The following PACS2 variants were observed in gnomAD, a reference collection of about 807,000 sequenced individuals.
PACS2 encodes the protein PACS1-like protein.
PACS2 carries 36 observed loss-of-function variants against 113.0 expected under a neutral mutation model. The observed-to-expected ratio is 0.32, with a 90% CI of 0.24 to 0.42. The LOEUF is 0.42. Among genes scored for constraint, PACS2 ranks in the 10% least tolerant of loss-of-function variants. The pLI is 1.00. For missense variants in PACS2, 1,015 were observed against 1,239.5 expected, an observed-to-expected ratio of 0.82 and a Z score of 2.72; for synonymous variants, 589 against 536.1, an observed-to-expected ratio of 1.10 and a Z score of -1.36.
At chr14:105,322,328 A>G (rs2058926622) in intron 1 of PACS2, among the ~76,000 whole-genome samples, 2 of 151,338 alleles carry the variant, frequency 1.3e-5, no homozygotes, top group South Asian at 4.2e-4. Context: ...GCAGTGGCGC[A>G]ATCTTGGCTC....
chr14:105,338,925 T>C (rs1555401081), intron 1 of PACS2, among the ~76,000 whole-genome samples: 1 of 152,088 alleles, frequency 6.6e-6, no homozygotes, highest in African/African-American at 2.4e-5. Flanking sequence ...ACCCAGCTGC[T>C]CTCCTCTCTG....
chr14:105,343,306 A>T (rs919374193), intron 1 of PACS2, among the ~76,000 whole-genome samples: 4 of 152,222 alleles, frequency 2.6e-5, no homozygotes, highest in Admixed American at 6.5e-5. Flanking sequence ...GGTGGCAGTT[A>T]TGAATAGAGC....
chr14:105,329,280 G>A lies in PACS2; in HGVS notation c.119+14243G>A, dbSNP rs889651998. Among the ~76,000 whole-genome samples, 1 of 152,192 alleles carries A rather than the reference G, an allele frequency of 6.6e-6. No individual in the cohort carries two copies. The highest frequency in any genetic ancestry group is 1.5e-5 in the Non-Finnish European group (1 of 68,034). Reference sequence around the variant, plus strand: ...GGGCCTGGCTGCAGCTGCCCTGTGTGATCTCTGTCCCCGTCTTCTCCCGGC... The same window carrying A: ...GGGCCTGGCTGCAGCTGCCCTGTGTAATCTCTGTCCCCGTCTTCTCCCGGC... On this transcript the variant is annotated intron_variant, in intron 1 of 24. Coordinates refer to ENST00000447393, the MANE Select transcript of PACS2 (RefSeq NM_001100913.3). This position sits in a 1 kb window ranked among gnomAD's most constrained non-coding sequence, Gnocchi z 6.4.
chr14:105,305,815 A>G (rs1042983298), intron 1 of PACS2, among the ~76,000 whole-genome samples: 1 of 152,258 alleles, frequency 6.6e-6, no homozygotes, highest in African/African-American at 2.4e-5. Flanking sequence ...GTGCCCTCAG[A>G]GCACCCACAC....
chr14:105,312,531 A>G (rs1410767539), upstream of PACS2, among the ~76,000 whole-genome samples: 2 of 152,242 alleles, frequency 1.3e-5, no homozygotes, highest in East Asian at 3.9e-4. Flanking sequence ...GCTACCAGAG[A>G]AAGCACCTGT....
At chr14:105,337,428 C>CGGCAA (rs1407587148) in intron 1 of PACS2, among the ~76,000 whole-genome samples, 2 of 152,204 alleles carry the variant, frequency 1.3e-5, no homozygotes, top group Non-Finnish European at 2.9e-5. Context: ...ATGGTTCAAA[C>CGGCAA]GGCAAGTTTT....
At position 105,365,296 on chromosome 14, in the gene PACS2, C is replaced by T. The variant is rs8019665; in HGVS notation, c.424-1917C>T. Among the ~76,000 whole-genome samples, 536 of 152,326 alleles carry T rather than the reference C, an allele frequency of 3.5e-3. 6 individuals carry two copies. Among genetic ancestry groups the T allele is most frequent in the African/African-American group, 0.012 (512 of 41,580 alleles). On this transcript the variant is annotated intron_variant, in intron 4 of 24. Coordinates refer to ENST00000447393, the MANE Select transcript of PACS2 (RefSeq NM_001100913.3). This position sits in a 1 kb window ranked among gnomAD's most constrained non-coding sequence, Gnocchi z 5.1. ...GCTGGCCCCTTGGCAGGAGGACGCA[C>T]GCCCCAAGGAGCACTGTCAGGAGGA...
At chr14:105,320,232 T>G (rs2058837353) in intron 1 of PACS2, among the ~76,000 whole-genome samples, 1 of 152,180 alleles carries the variant, frequency 6.6e-6, no homozygotes, top group Non-Finnish European at 1.5e-5. Context: ...CACCTCAGCC[T>G]CCCAAAGTGC....
At chr14:105,393,401 G>A in intron 24 of PACS2, 66 bp downstream of exon 24, 2 of 1,100,828 alleles carry the variant, frequency 1.8e-6, no homozygotes, top group Admixed American at 4.1e-5. Flanking sequence ...AGGCTGCTTT[G>A]GAGCCCAGCC....
Position 105,394,810 on chromosome 14 carries a change from A to G in PACS2, c.*138A>G, listed in dbSNP as rs2081488861. ...AGTCTTAAGTATGAATGTGCTCACA[A>G]CGTGGAAACTAACGGGGGAGCTCCT... On this transcript the variant is annotated 3_prime_UTR_variant, in exon 25 of 25. Transcript: ENST00000447393. 1.0e-5 allele frequency: 7 copies of G among 671,386 alleles called. No individual in the cohort carries two copies. Among genetic ancestry groups the G allele is most frequent in the Non-Finnish European group, 1.9e-5 (7 of 372,270 alleles). 41.6% of individuals were successfully genotyped at this position (671,386 alleles called of 1,614,324 possible).
chr14:105,360,542 CAAA>C (rs60526490), intron 4 of PACS2, among the ~76,000 whole-genome samples: 14 of 101,886 alleles, frequency 1.4e-4, no homozygotes, highest in Admixed American at 3.3e-4. Flanking sequence ...GACTTCCTCT[CAAA>C]AAAAAAAAAA....
rs1413310753 is a variant in PACS2, at chr14:105,340,309, C to A, written c.120-8184C>A. 6.6e-6 allele frequency among the ~76,000 whole-genome samples: 1 copy of A among 152,168 alleles called. No homozygotes were observed. The highest frequency in any genetic ancestry group is 1.9e-4 in the East Asian group (1 of 5,194). ...TCATGTAGGAAATAAAATGCAATCA[C>A]AACACACACAACTCCAAATGGATGG... On this transcript the variant is annotated intron_variant, in intron 1 of 24. Coordinates refer to ENST00000447393, the MANE Select transcript of PACS2 (RefSeq NM_001100913.3). The surrounding 1 kb of genome is among the most constrained non-coding windows in gnomAD (Gnocchi z 4.2).
intron 1 of PACS2, among the ~76,000 whole-genome samples, chr14:105,307,822 C>T (rs2058233393): frequency 6.6e-6 from 1 of 152,216 alleles, no homozygotes; most frequent in Non-Finnish European, 1.5e-5. Flanking sequence ...AGGCAAGTCC[C>T]TGTTCCTGTC....
At chr14:105,372,037 TTGG>T in intron 8 of PACS2, 1 of 152,242 alleles carries the variant, frequency 6.6e-6, no homozygotes, top group South Asian at 2.1e-4. Context: ...TTCTAGCACC[TTGG>T]TGGTCAGGTT....
chr14:105,392,134 GCC>G (rs1233310622), intron 22 of PACS2: 3 of 339,334 alleles, frequency 8.8e-6, no homozygotes, highest in Non-Finnish European at 1.6e-5. Flanking sequence ...CTGTGCTGAG[GCC>G]CCGCTAGCCC....
chr14:105,333,093 T>TGAGA (rs1343361025), intron 1 of PACS2, among the ~76,000 whole-genome samples: 3 of 146,378 alleles, frequency 2.0e-5, no homozygotes, highest in African/African-American at 8.3e-5. Context: ...CTGGCGTGGG[T>TGAGA]GTGAGAGAGA....
At chr14:105,350,908 C>T (rs2060147420) in intron 2 of PACS2, among the ~76,000 whole-genome samples, 1 of 152,194 alleles carries the variant, frequency 6.6e-6, no homozygotes, top group Admixed American at 6.5e-5. Context: ...CCGAGGAGAG[C>T]CGCGCTGCCT....
Position 105,367,161 on chromosome 14 carries a change from C to T in PACS2, c.424-52C>T, listed in dbSNP as rs151292359. ...AACCCCAGCCCACACATCAGGGCAC[C>T]GGGGCTCCTTCCCGTCGTGCTGCTT... On this transcript the variant is annotated intron_variant, in intron 4 of 24. Transcript: ENST00000447393. 1,016 of 1,559,710 alleles carry T rather than the reference C, an allele frequency of 6.5e-4. 9 individuals are homozygous for T. In the African/African-American group the frequency reaches 0.012, roughly 18 times the overall value.
chr14:105,388,107 CTCT>C (rs2081239974), intron 19 of PACS2, among the ~76,000 whole-genome samples: 1 of 152,248 alleles, frequency 6.6e-6, no homozygotes, highest in East Asian at 1.9e-4. Context: ...AAAGTTTCAA[CTCT>C]TCTCCTTAGA....
Sources: gnomAD v4.1 joint callset for allele counts (sites outside exome capture counted in the v4.1 genomes callset) on GRCh38, gnomAD v4.1.1 for gene constraint, Gnocchi (gnomAD v3.1) non-coding constraint, MANE v1.5 for transcripts, NCBI Gene and HGNC (gene_info 2026-07-23, HGNC 2026-07-21) for gene names.